MAPK8: variants seen among roughly 807,000 people sequenced by gnomAD.
The protein encoded by MAPK8 is JUN N-terminal kinase.
A neutral mutation model predicts 52.9 loss-of-function variants in MAPK8; 13 were observed. The ratio of observed to expected loss-of-function variants is 0.25; its 90% confidence interval spans 0.16 to 0.39. The LOEUF (loss-of-function observed/expected upper bound fraction) is 0.39, where lower values mean the gene tolerates loss of function less well. Ranked by LOEUF, MAPK8 falls within the 10% of genes least tolerant of loss-of-function variation. MAPK8 has a pLI of 1.00. For missense variants in MAPK8, 300 were observed against 519.2 expected (o/e 0.58, Z 4.10); for synonymous variants, 191 against 169.8 (o/e 1.12, Z -0.97).
chr10:48,421,728 C>T (rs1257714852), intron 6 of MAPK8, among the ~76,000 whole-genome samples: 9 of 152,008 alleles, frequency 5.9e-5, no homozygotes, highest in African/African-American at 9.7e-5. Context: ...CGCTTGAACC[C>T]GGGAGGTGGA....
intron 1 of MAPK8, among the ~76,000 whole-genome samples, chr10:48,369,243 G>A (rs913212057): frequency 6.6e-6 from 1 of 152,168 alleles, no homozygotes; most frequent in African/African-American, 2.4e-5. Context: ...ATACTGCCCT[G>A]AATCAGGGGT....
chr10:48,317,778 C>G lies in MAPK8; in HGVS notation c.-50+10957C>G, dbSNP rs576958611. ...GAAGGCCTATTCTCCTGGCTTTCAT[C>G]TTCTCTGTGGTTTCTGTTTGCTCAA... is the stretch of plus-strand genomic sequence containing the variant. On this transcript the variant is annotated intron_variant, in intron 1 of 11. Transcript: ENST00000374189. Among the ~76,000 whole-genome samples the G allele has an allele frequency of 2.0e-4, 30 of 152,232 alleles. 1 individual carries two copies. Among genetic ancestry groups the G allele is most frequent in the Admixed American group, 1.4e-3 (22 of 15,298 alleles).
At position 48,431,249 on chromosome 10, in the gene MAPK8, CG is replaced by C; in HGVS notation, c.1122del (p.Gln375SerfsTer5). 6.2e-7 allele frequency: 1 copy of C among 1,610,944 alleles called. No individual in the cohort carries two copies. On this transcript the variant is annotated frameshift_variant, in exon 11 of 12. Coordinates refer to ENST00000374189, the MANE Select transcript of MAPK8 (RefSeq NM_001323329.2). LOFTEE classifies it high-confidence loss of function. ...GGAGAGAACCAAGAATGGAGTTATA[CG>C]GGGGCAGCCCTCTCCTTTAGGTTGG... ...LEERTKNGVIRGQPSPLGAAV... is the reference protein window; with the variant it reads ...LEERTKNGVIXGQPSPLGAAV...
Position 48,435,691 on chromosome 10 carries a change from C to T in MAPK8, c.*662C>T, listed in dbSNP as rs772584055. 8.5e-5 allele frequency: 13 copies of T among 152,212 alleles called. No individual in the cohort carries two copies. Among genetic ancestry groups the T allele is most frequent in the Admixed American group, 2.0e-4 (3 of 15,276 alleles). 9.4% of individuals were successfully genotyped at this position (152,212 alleles called of 1,614,324 possible). ...ATCTAAATGGCAGAATAACTCAGAG[C>T]ATGTCTTTGAAGATGCTGGGCGTCT... On this transcript the variant is annotated 3_prime_UTR_variant, in exon 12 of 12. Transcript: ENST00000374189.
intron 10 of MAPK8, among the ~76,000 whole-genome samples, chr10:48,428,252 C>T (rs2043837191): frequency 6.6e-6 from 1 of 152,126 alleles, no homozygotes; most frequent in Non-Finnish European, 1.5e-5. Flanking sequence ...TCAAAAGGTG[C>T]CCTGGGACAT....
At chr10:48,418,468 C>A (rs1344154948) in intron 5 of MAPK8, among the ~76,000 whole-genome samples, 1 of 152,126 alleles carries the variant, frequency 6.6e-6, no homozygotes, top group African/African-American at 2.4e-5. Context: ...AGATGATCAG[C>A]AACCCAGGCT....
chr10:48,371,508 T>G (rs1258811935), intron 1 of MAPK8, among the ~76,000 whole-genome samples: 1 of 152,136 alleles, frequency 6.6e-6, no homozygotes, highest in Non-Finnish European at 1.5e-5. Context: ...TTATAATTAT[T>G]GGAAGCCTCT....
At chr10:48,315,975 G>T (rs1271428920) in intron 1 of MAPK8, among the ~76,000 whole-genome samples, 1 of 152,120 alleles carries the variant, frequency 6.6e-6, no homozygotes, top group Admixed American at 6.5e-5. Flanking sequence ...AATGAAATTA[G>T]GGAGGGATTA....
In MAPK8 at chr10:48,312,133, C is replaced by T. The variant is rs577487405; in HGVS notation, c.-50+5312C>T. ...CTCTTGCCATGCCTTTGTACTCACTCGATAAACCTGAGAAAGCAAGATATC... is the reference window on the plus strand; with the variant it reads ...CTCTTGCCATGCCTTTGTACTCACTTGATAAACCTGAGAAAGCAAGATATC... On this transcript the variant is annotated intron_variant, in intron 1 of 11. Coordinates refer to ENST00000374189, the MANE Select transcript of MAPK8 (RefSeq NM_001323329.2). Among the ~76,000 whole-genome samples the T allele has an allele frequency of 7.2e-5, 11 of 152,270 alleles. No homozygotes were observed. The East Asian group carries it at 1.3e-3, about 19-fold the overall frequency.
chr10:48,401,842 C>T (rs1485987000), intron 2 of MAPK8, 60 bp downstream of exon 2: 44 of 1,293,234 alleles, frequency 3.4e-5, no homozygotes, highest in Non-Finnish European at 4.2e-5. Flanking sequence ...TTTCTCCTCT[C>T]GTAATTTAGA....
chr10:48,380,125 C>T (rs1048924451), intron 1 of MAPK8, among the ~76,000 whole-genome samples: 1 of 151,856 alleles, frequency 6.6e-6, no homozygotes, highest in African/African-American at 2.4e-5. Context: ...ACCTGTAATC[C>T]CAGCTACCCG....
Position 48,401,797 on chromosome 10 carries a change from C to T in MAPK8, c.122+15C>T, listed in dbSNP as rs771699494. On this transcript the variant is annotated intron_variant, in intron 2 of 11. Coordinates refer to ENST00000374189, the MANE Select transcript of MAPK8 (RefSeq NM_001323329.2). ...GGAATAGTATGGTAAGTGTTTACTT[C>T]CAAAAATTAGGCAAAGAATCATTAA... is the stretch of plus-strand genomic sequence containing the variant. 8.6e-6 allele frequency: 12 copies of T among 1,400,876 alleles called. No individual in the cohort carries two copies. The highest frequency in any genetic ancestry group is 7.5e-6 in the Non-Finnish European group (8 of 1,072,062). 86.8% of individuals were successfully genotyped at this position (1,400,876 alleles called of 1,614,324 possible). A position where few individuals can be genotyped will look rare whatever the true frequency, so the allele number is the denominator to read the frequency against.
intron 1 of MAPK8, among the ~76,000 whole-genome samples, chr10:48,369,070 C>A (rs997485745): frequency 6.6e-6 from 1 of 152,132 alleles, no homozygotes; most frequent in Non-Finnish European, 1.5e-5. Context: ...TCAAAGCCAA[C>A]CCCTCTCACA....
chr10:48,332,487 G>A (rs921908107), intron 1 of MAPK8, among the ~76,000 whole-genome samples: 1 of 152,022 alleles, frequency 6.6e-6, no homozygotes, highest in South Asian at 2.1e-4. Context: ...TTCTTCCATC[G>A]GGAAGTATCC....
chr10:48,393,587 T>C (rs1377525828), intron 1 of MAPK8, among the ~76,000 whole-genome samples: 1 of 152,114 alleles, frequency 6.6e-6, no homozygotes, highest in Non-Finnish European at 1.5e-5. Flanking sequence ...CCTAGGGTTG[T>C]TTTCAGTATT....
chr10:48,374,037 T>A (rs975967210), intron 1 of MAPK8, among the ~76,000 whole-genome samples: 4 of 151,216 alleles, frequency 2.6e-5, no homozygotes, highest in African/African-American at 9.7e-5. Flanking sequence ...ACAGAAATCA[T>A]AACAGTCTCT....
intron 6 of MAPK8, among the ~76,000 whole-genome samples, chr10:48,422,379 G>T (rs1334137221): frequency 6.6e-6 from 1 of 152,060 alleles, no homozygotes; most frequent in African/African-American, 2.4e-5. Context: ...TTTATTGCAG[G>T]CTACTCAGAG....
At chr10:48,391,670 A>T (rs1435851733) in intron 1 of MAPK8, among the ~76,000 whole-genome samples, 1 of 152,140 alleles carries the variant, frequency 6.6e-6, no homozygotes, top group Non-Finnish European at 1.5e-5. Flanking sequence ...GTGTCTTCCA[A>T]TTCCATTCTG....
chr10:48,363,144 G>A (rs1450304737), intron 1 of MAPK8, among the ~76,000 whole-genome samples: 3 of 151,292 alleles, frequency 2.0e-5, no homozygotes, highest in East Asian at 2.0e-4. Flanking sequence ...AACTCTTGGC[G>A]TCTAGCCATC....
Sources: gnomAD v4.1 joint callset for allele counts (sites outside exome capture counted in the v4.1 genomes callset) on GRCh38, gnomAD v4.1.1 for gene constraint, MANE v1.5 for transcripts, NCBI Gene and HGNC (gene_info 2026-07-23, HGNC 2026-07-21) for gene names.